The following ARHGEF16 variants were observed in gnomAD, a reference collection of about 807,000 sequenced individuals.
ARHGEF16 encodes Rho guanine exchange factor (GEF) 16.
A neutral mutation model predicts 74.1 loss-of-function variants in ARHGEF16; 59 were observed. The ratio of observed to expected loss-of-function variants is 0.80; its 90% CI spans 0.65 to 0.99. The LOEUF is 0.99. ARHGEF16 is among the 50% of genes least tolerant of loss of function. The pLI, the probability that ARHGEF16 is intolerant of heterozygous loss-of-function variation, is 0.00. For synonymous variants in ARHGEF16, 415 were observed against 412.6 expected (o/e 1.01, Z -0.07); for missense variants, 948 against 986.6 (o/e 0.96, Z 0.52).
rs368462860 is a variant in ARHGEF16, at chr1:3,478,388, G to C, written c.1626-36G>C. ...CCCAGCAGCACTGGGTAGGAGCTGG[G>C]TGGGACCGTCCCACCGACTGCCCGT... On this transcript the variant is annotated intron_variant, in intron 11 of 14. Coordinates refer to ENST00000378378, the MANE Select transcript of ARHGEF16 (RefSeq NM_014448.4). 4 of 1,559,870 alleles carry C rather than the reference G, an allele frequency of 2.6e-6. No individual in the cohort carries two copies. In the African/African-American group the frequency reaches 5.4e-5, roughly 21 times the overall value.
chr1:3,463,359 G>T lies in ARHGEF16; in HGVS notation c.275G>T (p.Ser92Ile), dbSNP rs899794754. ...GGCACCCAACAGCTGATCCCTAAGAGCCTGGCTGTGGCCAGCAAGGCAAAG... is the reference window on the plus strand; with the variant it reads ...GGCACCCAACAGCTGATCCCTAAGATCCTGGCTGTGGCCAGCAAGGCAAAG... ...KLGTQQLIPK[S>I]LAVASKAKTP... The change falls in exon 2 of 15, where the codon AGC (serine) becomes ATC (isoleucine). Residue 92 changes from serine (S) to isoleucine (I), a missense_variant. By Grantham distance (142) the Ser-to-Ile change is moderately radical (BLOSUM62 -2). Transcript: ENST00000378378. The T allele has an allele frequency of 1.9e-6, 3 of 1,550,260 alleles. No homozygotes were observed. Among genetic ancestry groups the T allele is most frequent in the South Asian group, 1.2e-5 (1 of 84,066 alleles).
rs961111731 is a variant in ARHGEF16, at chr1:3,465,953, T to C, written c.589-195T>C. 2.6e-5 allele frequency: 16 copies of C among 610,580 alleles called. No homozygotes were observed. The African/African-American group carries it at 3.0e-4, about 12-fold the overall frequency. 37.8% of individuals were successfully genotyped at this position (610,580 alleles called of 1,614,324 possible). On this transcript the variant is annotated intron_variant, in intron 2 of 14. Coordinates refer to ENST00000378378, the MANE Select transcript of ARHGEF16 (RefSeq NM_014448.4). ...CCTCCAAGCAGCCCTCAGTCACGTG[T>C]CCTGCCTGCTCTGAGCCCTCCTCCC... is the stretch of plus-strand genomic sequence containing the variant.
At chr1:3,466,232 A>G (rs1639539773) in intron 3 of ARHGEF16, 39 bp downstream of exon 3, 1 of 1,528,282 alleles carries the variant, frequency 6.5e-7, no homozygotes, top group Non-Finnish European at 8.8e-7. Flanking sequence ...GCTGGGCTCC[A>G]GTTGAAACTG....
chr1:3,463,443 G>A lies in ARHGEF16; in HGVS notation c.359G>A (p.Arg120Gln), dbSNP rs866853037. 1.0e-5 allele frequency: 16 copies of A among 1,545,662 alleles called. No individual in the cohort carries two copies. Among genetic ancestry groups the A allele is most frequent in the Admixed American group, 6.0e-5 (3 of 50,384 alleles). The change falls in exon 2 of 15, where the codon CGG (arginine) becomes CAG (glutamine). Residue 120 changes from arginine to glutamine, a missense_variant. By Grantham distance (43) the Arg-to-Gln change is conservative. Transcript: ENST00000378378. ...AAVLSREAAR[R>Q]DPKLLPAPSF... The stretch of plus-strand genomic sequence containing the variant: ...GTACTTAGCAGGGAGGCCGCCCGGC[G>A]GGACCCTAAGCTCCTCCCAGCCCCC...
intron 4 of ARHGEF16, 143 bp from the exon 5 acceptor site, chr1:3,468,737 C>A: frequency 1.2e-6 from 1 of 845,826 alleles, no homozygotes; most frequent in Non-Finnish European, 1.9e-6. Context: ...CAGGACAGGC[C>A]TACTCCAGGA....
In ARHGEF16 at chr1:3,478,521, C is replaced by A. The variant is rs143167978; in HGVS notation, c.1723C>A (p.Arg575Ser). The A allele has an allele frequency of 2.5e-6, 4 of 1,612,678 alleles. No individual in the cohort carries two copies. Among genetic ancestry groups the A allele is most frequent in the Non-Finnish European group, 3.4e-6 (4 of 1,179,864 alleles). ...GCTCCCTCTGCCCGGGGGCGGCAAC[C>A]GTAGCTCCTCCGTGCCCCACCCCTT... is the stretch of plus-strand genomic sequence containing the variant. ...SELPLPGGGNRSSSVPHPFQV... is the reference protein window; with the variant it reads ...SELPLPGGGNSSSSVPHPFQV... The change falls in exon 12 of 15, where the codon CGT (arginine) becomes AGT (serine). Residue 575 changes from arginine (R) to serine (S), a missense_variant. Coordinates refer to ENST00000378378, the MANE Select transcript of ARHGEF16 (RefSeq NM_014448.4).
chr1:3,466,824 GC>G, intron 3 of ARHGEF16: 1 of 230,272 alleles, frequency 4.3e-6, no homozygotes, highest in Non-Finnish European at 8.4e-6. Flanking sequence ...TTGTGGACAG[GC>G]ATGGGCCCAG....
chr1:3,473,640 A>G (rs745381869), intron 8 of ARHGEF16, 118 bp downstream of exon 8: 2 of 1,502,922 alleles, frequency 1.3e-6, no homozygotes, highest in East Asian at 2.3e-5. Context: ...TTGGCCTATG[A>G]TATTGTAATA....
In ARHGEF16 at chr1:3,479,580, C is replaced by T. The variant is rs574914012; in HGVS notation, c.1878C>T (p.Ser626=). The change falls in exon 13 of 15, where the codon TCC becomes TCT. Residue 626 remains serine, a synonymous_variant. Transcript: ENST00000378378. ...GTGAGAGACAGTGGCAGGGCCTCTC[C>T]AGCAAAGGAGGTGAGTGCGGGCTGG... ...THSERQWQGL[S]SKGDLPQVEI... 6.2e-7 allele frequency: 1 copy of T among 1,611,872 alleles called. No individual in the cohort carries two copies. The highest frequency in any genetic ancestry group is 2.2e-5 in the East Asian group (1 of 44,828).
chr1:3,476,499 A>G (rs1198112841), intron 10 of ARHGEF16, among the ~76,000 whole-genome samples: 3 of 152,226 alleles, frequency 2.0e-5, no homozygotes, highest in Admixed American at 6.5e-5. Context: ...CCCAGATTCC[A>G]TGTTTCCCAG....
intron 12 of ARHGEF16, among the ~76,000 whole-genome samples, 198 bp from the exon 13 acceptor site, chr1:3,479,319 C>T (rs1026589691): frequency 2.6e-5 from 4 of 152,072 alleles, no homozygotes; most frequent in Non-Finnish European, 5.9e-5. Flanking sequence ...GGTGTGTGGC[C>T]ACTACCCAAC....
chr1:3,471,752 C>G, intron 6 of ARHGEF16: 4 of 1,200,044 alleles, frequency 3.3e-6, no homozygotes, highest in Non-Finnish European at 4.3e-6. Flanking sequence ...CAGCTCCTGG[C>G]ATTCACAGTG....
At chr1:3,470,510 G>A (rs1185175732) in intron 6 of ARHGEF16, among the ~76,000 whole-genome samples, 1 of 150,900 alleles carries the variant, frequency 6.6e-6, no homozygotes, top group African/African-American at 2.4e-5. Context: ...CACAGGCAGG[G>A]ATGTGTGTGC....
rs191768129 is a variant in ARHGEF16, at chr1:3,469,738, G to A, written c.1022+145G>A. ...GTTTAGAGCAGCTGCTGGCTCCCGCGGAGTGTGATGACCTCTGAGGGTCCT... is the reference window on the plus strand; with the variant it reads ...GTTTAGAGCAGCTGCTGGCTCCCGCAGAGTGTGATGACCTCTGAGGGTCCT... On this transcript the variant is annotated intron_variant, in intron 6 of 14. Transcript: ENST00000378378. 667 of 1,170,578 alleles carry A rather than the reference G, an allele frequency of 5.7e-4. 3 individuals are homozygous for A. The East Asian group carries it at 0.016, about 29-fold the overall frequency. The allele number at this position is 1,170,578 out of a possible 1,614,324, so 72.5% of individuals were successfully genotyped here.
chr1:3,461,315 G>A (rs1639387316), intron 1 of ARHGEF16, among the ~76,000 whole-genome samples: 1 of 152,264 alleles, frequency 6.6e-6, no homozygotes, highest in Non-Finnish European at 1.5e-5. Flanking sequence ...CGGCGCAGAC[G>A]CAGGCCTCAC....
intron 6 of ARHGEF16, among the ~76,000 whole-genome samples, chr1:3,469,966 C>G (rs562608049): frequency 6.6e-6 from 1 of 152,246 alleles, no homozygotes; most frequent in African/African-American, 2.4e-5. Flanking sequence ...CAGGAAGCCT[C>G]GAGTTGCAGC....
chr1:3,479,768 C>G (rs763839190), intron 13 of ARHGEF16, 44 bp from the exon 14 acceptor site: 1 of 1,595,922 alleles, frequency 6.3e-7, no homozygotes, highest in African/African-American at 1.3e-5. Flanking sequence ...TGGAGCCTGG[C>G]CCATGCCTCC....
chr1:3,478,111 G>A, intron 11 of ARHGEF16, 85 bp downstream of exon 11: 10 of 1,557,604 alleles, frequency 6.4e-6, no homozygotes, highest in Admixed American at 1.7e-5. Flanking sequence ...ACAGGGAGTT[G>A]GCCCTGAGCC....
Position 3,463,922 on chromosome 1 carries a change from C to T in ARHGEF16, c.588+250C>T, listed in dbSNP as rs375322986. Among the ~76,000 whole-genome samples, 22 of 152,348 alleles carry T rather than the reference C, an allele frequency of 1.4e-4. No individual in the cohort carries two copies. The East Asian group carries it at 3.5e-3, about 24-fold the overall frequency. ...CGAGGCCCCCAGACTCTGGTGTCCC[C>T]GCTCCCAGCCTTGGTGGAGGGCAGA... On this transcript the variant is annotated intron_variant, in intron 2 of 14. Coordinates refer to ENST00000378378, the MANE Select transcript of ARHGEF16 (RefSeq NM_014448.4).
Sources: gnomAD v4.1 joint callset for allele counts (sites outside exome capture counted in the v4.1 genomes callset) on GRCh38, gnomAD v4.1.1 for gene constraint, MANE v1.5 for transcripts, NCBI Gene and HGNC (gene_info 2026-07-23, HGNC 2026-07-21) for gene names.